LHFPL3: variants seen among roughly 807,000 people sequenced by gnomAD.
The protein encoded by LHFPL3 is LHFPL tetraspan subfamily member 3.
LHFPL3 carries 5 observed loss-of-function variants against 19.3 expected under a neutral mutation model. The ratio of observed to expected loss-of-function variants is 0.26; its 90% CI spans 0.14 to 0.54. The LOEUF (loss-of-function observed/expected upper bound fraction) is 0.54. Among genes scored for constraint, LHFPL3 ranks in the 20% least tolerant of loss-of-function variants. The pLI is 0.94. For missense variants in LHFPL3, 249 were observed against 307.4 expected (o/e 0.81, Z 1.42); for synonymous variants, 133 against 126.2 (o/e 1.05, Z -0.36).
chr7:104,453,704 T>C (rs931057056), intron 1 of LHFPL3, among the ~76,000 whole-genome samples: 1 of 152,032 alleles, frequency 6.6e-6, no homozygotes, highest in African/African-American at 2.4e-5. Context: ...GTTTGGATCA[T>C]AGGGGCGGGT....
intron 2 of LHFPL3, among the ~76,000 whole-genome samples, chr7:104,881,854 C>G (rs1277293147): frequency 6.6e-6 from 1 of 152,170 alleles, no homozygotes; most frequent in African/African-American, 2.4e-5. Context: ...GCAGCCACCA[C>G]CCTCATCAGT....
chr7:104,411,508 T>G (rs938605201), intron 1 of LHFPL3, among the ~76,000 whole-genome samples: 1 of 152,192 alleles, frequency 6.6e-6, no homozygotes, highest in Non-Finnish European at 1.5e-5. Flanking sequence ...ACAGGTAACA[T>G]TCCTTTAAGG....
intron 1 of LHFPL3, among the ~76,000 whole-genome samples, chr7:104,538,815 A>C (rs1794434345): frequency 6.6e-6 from 1 of 150,908 alleles, no homozygotes; most frequent in East Asian, 1.9e-4. Context: ...GCAACTTTGC[A>C]CGTGAGATTA....
chr7:104,338,604 C>T (rs1789884447), intron 1 of LHFPL3, among the ~76,000 whole-genome samples: 1 of 152,140 alleles, frequency 6.6e-6, no homozygotes, highest in African/African-American at 2.4e-5. Flanking sequence ...TTATTCATAG[C>T]TAATTTTGTA....
chr7:104,541,804 G>A (rs1378121231), intron 1 of LHFPL3, among the ~76,000 whole-genome samples: 1 of 151,912 alleles, frequency 6.6e-6, no homozygotes, highest in Non-Finnish European at 1.5e-5. Context: ...AAGTCCGGAT[G>A]GTATTTGAAA....
At chr7:104,348,715 A>G (rs1447261503) in intron 1 of LHFPL3, among the ~76,000 whole-genome samples, 2 of 152,232 alleles carry the variant, frequency 1.3e-5, no homozygotes, top group East Asian at 3.8e-4. Flanking sequence ...TCAGGGTAGC[A>G]ACTATAAAAT....
chr7:104,657,709 C>G (rs1412138732), intron 1 of LHFPL3, among the ~76,000 whole-genome samples: 3 of 152,194 alleles, frequency 2.0e-5, no homozygotes, highest in Non-Finnish European at 2.9e-5. Context: ...GATGTTCATT[C>G]TCCCCATGCA....
chr7:104,559,309 T>A (rs1252255160), intron 1 of LHFPL3, among the ~76,000 whole-genome samples: 1 of 148,786 alleles, frequency 6.7e-6, no homozygotes, highest in Non-Finnish European at 1.5e-5. Flanking sequence ...TTCCTACCCA[T>A]GAGCATGGAA....
In LHFPL3 at chr7:104,846,740, T is replaced by A. The variant is rs562818182; in HGVS notation, c.683-59447T>A. Among the ~76,000 whole-genome samples, 6 of 152,278 alleles carry A rather than the reference T, an allele frequency of 3.9e-5. No homozygotes were observed. The East Asian group carries it at 1.2e-3, about 29-fold the overall frequency. ...CCTTTTAAAAGTGAAGGAGGCTACATCCCGAAAAGGACCCCAGGTCCCTGT... is the reference window on the plus strand; with the variant it reads ...CCTTTTAAAAGTGAAGGAGGCTACAACCCGAAAAGGACCCCAGGTCCCTGT... On this transcript the variant is annotated intron_variant, in intron 2 of 2. Transcript: ENST00000424859.
rs1792614822 is a variant in LHFPL3, at chr7:104,906,312, TGAGA to T, written c.*102_*105del. The T allele has an allele frequency of 4.4e-6, 6 of 1,365,774 alleles. No individual in the cohort carries two copies. The highest frequency in any genetic ancestry group is 6.1e-6 in the Non-Finnish European group (6 of 978,438). 84.6% of individuals were successfully genotyped at this position (1,365,774 alleles called of 1,614,324 possible). A position where few individuals can be genotyped will look rare whatever the true frequency, so the allele number is the denominator to read the frequency against. On this transcript the variant is annotated 3_prime_UTR_variant, in exon 3 of 3. Transcript: ENST00000424859. ...CATCAACATCAAGAAGGAATACGCCTGAGAGAGATCAGAGTATATAGATGAATAT... is the reference window on the plus strand; with the variant it reads ...CATCAACATCAAGAAGGAATACGCCTGAGATCAGAGTATATAGATGAATAT...
intron 1 of LHFPL3, among the ~76,000 whole-genome samples, chr7:104,627,232 T>A (rs1791561847): frequency 6.6e-6 from 1 of 152,160 alleles, no homozygotes; most frequent in Non-Finnish European, 1.5e-5. Context: ...GTATTTGACT[T>A]TCTGTGCCTG....
intron 2 of LHFPL3, among the ~76,000 whole-genome samples, chr7:104,886,909 T>A (rs1261789497): frequency 1.3e-5 from 2 of 152,150 alleles, no homozygotes; most frequent in African/African-American, 4.8e-5. Context: ...ACTCTTTAAG[T>A]CCTCCCGGGG....
At position 104,369,532 on chromosome 7, in the gene LHFPL3, T is replaced by A. The variant is rs558295427; in HGVS notation, c.445+40308T>A. Among the ~76,000 whole-genome samples the A allele has an allele frequency of 3.3e-3, 509 of 152,376 alleles. 3 individuals carry two copies. The highest frequency in any genetic ancestry group is 0.011 in the African/African-American group (476 of 41,588). On this transcript the variant is annotated intron_variant, in intron 1 of 2. Transcript: ENST00000424859. ...GTTATCAATAATGTTTGTATTTCTT[T>A]TGAATAGATTTCTAAGACTGGAATT...
At chr7:104,505,274 G>A (rs1042580931) in intron 1 of LHFPL3, among the ~76,000 whole-genome samples, 8 of 152,152 alleles carry the variant, frequency 5.3e-5, no homozygotes, top group Non-Finnish European at 4.4e-5. Context: ...TGATGAACAG[G>A]GGTAAACATT....
intron 1 of LHFPL3, among the ~76,000 whole-genome samples, chr7:104,636,524 T>TTCC (rs1314894229): frequency 1.3e-5 from 2 of 152,088 alleles, no homozygotes; most frequent in Admixed American, 1.3e-4. Flanking sequence ...GATACTCTCC[T>TTCC]TCCTCCCACC....
At chr7:104,681,154 C>CT (rs35342944) in intron 1 of LHFPL3, among the ~76,000 whole-genome samples, 42,527 of 132,372 alleles carry the variant, frequency 0.32, 6,684 homozygotes, top group East Asian at 0.5. Context: ...TTCTTTTCTT[C>CT]TTTTTTTTTT....
At chr7:104,535,522 C>T (rs1201612597) in intron 1 of LHFPL3, among the ~76,000 whole-genome samples, 1 of 152,138 alleles carries the variant, frequency 6.6e-6, no homozygotes, top group East Asian at 1.9e-4. Flanking sequence ...ATAACTCATA[C>T]ACACCCTCCC....
chr7:104,609,792 T>A (rs1791177590), intron 1 of LHFPL3, among the ~76,000 whole-genome samples: 1 of 152,164 alleles, frequency 6.6e-6, no homozygotes, highest in African/African-American at 2.4e-5. Context: ...AATTTAATAA[T>A]ACAATTCTGA....
At chr7:104,458,022 G>T (rs966677806) in intron 1 of LHFPL3, among the ~76,000 whole-genome samples, 7 of 149,666 alleles carry the variant, frequency 4.7e-5, no homozygotes, top group African/African-American at 1.7e-4. Context: ...TTAGCCCTTT[G>T]TCAGATGAGT....
Sources: gnomAD v4.1 joint callset for allele counts (sites outside exome capture counted in the v4.1 genomes callset) on GRCh38, gnomAD v4.1.1 for gene constraint, MANE v1.5 for transcripts, NCBI Gene and HGNC (gene_info 2026-07-23, HGNC 2026-07-21) for gene names.